PCDHGA2: variants seen among roughly 807,000 people sequenced by gnomAD.
PCDHGA2 encodes protocadherin gamma-A2.
A neutral mutation model predicts 59.2 loss-of-function variants in PCDHGA2; 40 were observed. That is an observed-to-expected ratio of 0.68 (90% CI 0.52 to 0.88). The LOEUF (loss-of-function observed/expected upper bound fraction) is 0.88, where lower values mean the gene tolerates loss of function less well. Among genes scored for constraint, PCDHGA2 ranks in the 40% least tolerant of loss-of-function variants. The pLI is 0.00. For synonymous variants in PCDHGA2, 560 were observed against 526.0 expected (o/e 1.06, Z -0.89); for missense variants, 1,226 against 1,204.0 (o/e 1.02, Z -0.27).
chr5:141,437,800 C>G (rs963856257), intron 1 of PCDHGA2, among the ~76,000 whole-genome samples: 1 of 150,744 alleles, frequency 6.6e-6, no homozygotes, highest in African/African-American at 2.4e-5. Flanking sequence ...TGCAGTGGCA[C>G]TATCTTGGCT....
intron 1 of PCDHGA2, chr5:141,371,830 C>A: frequency 6.2e-7 from 1 of 1,613,814 alleles, no homozygotes. Flanking sequence ...GCCTCGGATC[C>A]CGACTTGGGA....
intron 1 of PCDHGA2, chr5:141,410,576 C>T (rs533810160): frequency 8.7e-6 from 14 of 1,611,152 alleles, no homozygotes; most frequent in Non-Finnish European, 1.2e-5. Context: ...AATTCCACCT[C>T]ATGGTGGGGA....
intron 1 of PCDHGA2, chr5:141,384,939 C>T (rs1780682611): frequency 6.2e-7 from 1 of 1,614,018 alleles, no homozygotes; most frequent in Non-Finnish European, 8.5e-7. Context: ...GCCTTGAGCC[C>T]TCCGACGGTC....
chr5:141,414,862 G>A (rs763491057), intron 1 of PCDHGA2: 1 of 1,614,226 alleles, frequency 6.2e-7, no homozygotes, highest in Non-Finnish European at 8.5e-7. Context: ...GAACGACAAT[G>A]CGCCCGAGAT....
At chr5:141,347,069 T>C (rs60197562) in intron 1 of PCDHGA2, among the ~76,000 whole-genome samples, 1 of 142,486 alleles carries the variant, frequency 7.0e-6, no homozygotes, top group Non-Finnish European at 1.5e-5. Context: ...CTTCCTTCCT[T>C]CCTCTCTCTC....
chr5:141,366,264 C>T, intron 1 of PCDHGA2: 1 of 1,613,686 alleles, frequency 6.2e-7, no homozygotes, highest in East Asian at 2.2e-5. Flanking sequence ...CTCGTGGTGG[C>T]CGTCGAAGAC....
At chr5:141,375,139 A>G (rs1406415297) in intron 1 of PCDHGA2, 11 of 1,613,936 alleles carry the variant, frequency 6.8e-6, no homozygotes, top group Non-Finnish European at 9.3e-6. Context: ...TTACATCTGG[A>G]AGCAGAACAA....
intron 3 of PCDHGA2, among the ~76,000 whole-genome samples, chr5:141,510,378 C>A (rs919650449): frequency 6.6e-6 from 1 of 151,786 alleles, no homozygotes; most frequent in East Asian, 2.0e-4. Flanking sequence ...TCTACTCGTG[C>A]CAGGCCTTGC....
Position 141,485,943 on chromosome 5 carries a change from C to T in PCDHGA2, c.2425-8864C>T, listed in dbSNP as rs750871245. On this transcript the variant is annotated intron_variant, in intron 1 of 3. Transcript: ENST00000394576. This position sits in a 1 kb window ranked among gnomAD's most constrained non-coding sequence, Gnocchi z 5.7. Reference sequence around the variant, plus strand: ...ATTAGTGTGTTGGAGAGCGCACCAGCGGGCATGGTGCTCATCCAGCTCAAT... The same window carrying T: ...ATTAGTGTGTTGGAGAGCGCACCAGTGGGCATGGTGCTCATCCAGCTCAAT... The T allele has an allele frequency of 1.9e-6, 3 of 1,614,126 alleles. No homozygotes were observed. In the South Asian group the frequency reaches 3.3e-5, roughly 18 times the overall value.
chr5:141,486,673 A>G lies in PCDHGA2; in HGVS notation c.2425-8134A>G. On this transcript the variant is annotated intron_variant, in intron 1 of 3. Transcript: ENST00000394576. The surrounding 1 kb of genome is among the most constrained non-coding windows in gnomAD (Gnocchi z 5.0). ...ACTCACTCCTGGAGCCCAGGAATCG[A>G]GATGTATCAGCTTCCTCTTTCATCT... The G allele has an allele frequency of 6.2e-7, 1 of 1,614,014 alleles. No homozygotes were observed. The highest frequency in any genetic ancestry group is 2.2e-5 in the East Asian group (1 of 44,866).
intron 1 of PCDHGA2, chr5:141,388,545 C>G: frequency 6.2e-7 from 1 of 1,613,798 alleles, no homozygotes. Flanking sequence ...TGGAGCTCCA[C>G]CCCTAAGCAG....
chr5:141,345,968 C>G (rs1264605994), intron 1 of PCDHGA2: 10 of 1,613,526 alleles, frequency 6.2e-6, no homozygotes, highest in Non-Finnish European at 8.5e-6. Context: ...TCGTGGTGGC[C>G]GTCCAGGACC....
intron 1 of PCDHGA2, among the ~76,000 whole-genome samples, chr5:141,465,904 C>T (rs1364574558): frequency 2.0e-5 from 3 of 152,046 alleles, no homozygotes; most frequent in Admixed American, 6.5e-5. Context: ...GGGCAAATCA[C>T]GAGGTCAGGA....
intron 1 of PCDHGA2, chr5:141,415,738 AGGTTTTTT>A: frequency 1.9e-6 from 1 of 538,082 alleles, no homozygotes; most frequent in Non-Finnish European, 2.7e-6. Flanking sequence ...ATGTTTATTA[AGGTTTTTT>A]TTTTTTTTTT....
intron 1 of PCDHGA2, among the ~76,000 whole-genome samples, chr5:141,358,604 T>C (rs1760964834): frequency 1.3e-5 from 2 of 152,226 alleles, no homozygotes; most frequent in South Asian, 2.1e-4. Context: ...CCTGTGATTA[T>C]GAGAAATATT....
intron 3 of PCDHGA2, among the ~76,000 whole-genome samples, chr5:141,510,194 G>T (rs920127442): frequency 6.6e-6 from 1 of 151,462 alleles, no homozygotes. Context: ...AATCACTTGA[G>T]CCCAGGAGGC....
chr5:141,412,459 A>C (rs1267719740), intron 1 of PCDHGA2: 1 of 152,232 alleles, frequency 6.6e-6, no homozygotes, highest in Non-Finnish European at 1.5e-5. Flanking sequence ...AAACTATTCT[A>C]GAAGAGTACT....
intron 1 of PCDHGA2, chr5:141,394,909 C>A (rs1349151273): frequency 1.9e-6 from 3 of 1,613,418 alleles, no homozygotes; most frequent in East Asian, 4.5e-5. Context: ...GCAGTGGCTG[C>A]CATCTCCTGT....
chr5:141,433,651 C>T (rs905489069), intron 1 of PCDHGA2, among the ~76,000 whole-genome samples: 3 of 152,064 alleles, frequency 2.0e-5, no homozygotes, highest in Non-Finnish European at 2.9e-5. Context: ...GCCTGACCAA[C>T]ATGGAGAAAC....
Sources: gnomAD v4.1 joint callset for allele counts (sites outside exome capture counted in the v4.1 genomes callset) on GRCh38, gnomAD v4.1.1 for gene constraint, Gnocchi (gnomAD v3.1) non-coding constraint, MANE v1.5 for transcripts, NCBI Gene and HGNC (gene_info 2026-07-23, HGNC 2026-07-21) for gene names.